The following ZNF354A variants were observed in gnomAD, a reference collection of about 807,000 sequenced individuals.
ZNF354A encodes zinc finger protein 354A, also known as epididymis luminal protein 104.
Under a neutral mutation model 53.3 loss-of-function variants are expected in ZNF354A, and 25 were observed. That is an observed-to-expected ratio of 0.47 (90% CI 0.34 to 0.66). ZNF354A has a LOEUF of 0.66. ZNF354A is among the 30% of genes least tolerant of loss of function. The probability of loss-of-function intolerance (pLI) is 0.01; values close to 1 mark genes in which losing one functional copy is unlikely to be tolerated. For missense variants in ZNF354A, 586 were observed against 716.8 expected, an observed-to-expected ratio of 0.82 and a Z score of 2.08; for synonymous variants, 228 against 249.0, an observed-to-expected ratio of 0.92 and a Z score of 0.79.
chr5:178,719,665 C>A, intron 4 of ZNF354A, among the ~76,000 whole-genome samples: 1 of 152,152 alleles, frequency 6.6e-6, no homozygotes, highest in Non-Finnish European at 1.5e-5. Flanking sequence ...ATGTCACTTG[C>A]GGCCGGGCGC....
At chr5:178,717,885 C>T (rs573211278) in intron 4 of ZNF354A, among the ~76,000 whole-genome samples, 33 of 152,082 alleles carry the variant, frequency 2.2e-4, no homozygotes, top group South Asian at 2.1e-3. Flanking sequence ...TGTGGCAAGA[C>T]GGAGGTTGTT....
chr5:178,725,527 A>G (rs1253246596), intron 3 of ZNF354A, 56 bp from the exon 4 acceptor site: 23 of 1,545,540 alleles, frequency 1.5e-5, no homozygotes, highest in Non-Finnish European at 2.1e-5. Flanking sequence ...TTGTATTGAT[A>G]CAGTTATCCC....
intron 4 of ZNF354A, among the ~76,000 whole-genome samples, chr5:178,717,674 C>G (rs1288800001): frequency 1.3e-5 from 2 of 151,998 alleles, no homozygotes; most frequent in African/African-American, 4.8e-5. Flanking sequence ...GAGCTATAGA[C>G]AGGCATTTGG....
At chr5:178,726,230 G>C in intron 3 of ZNF354A, 1 of 455,724 alleles carries the variant, frequency 2.2e-6, no homozygotes, top group Non-Finnish European at 4.4e-6. Context: ...GTATGGCCCT[G>C]TGCAAAGAAT....
Position 178,727,135 on chromosome 5 carries a change from C to T in ZNF354A, c.34-10G>A. 1.2e-6 allele frequency: 2 copies of T among 1,609,582 alleles called. No individual in the cohort carries two copies. The highest frequency in any genetic ancestry group is 1.7e-6 in the Non-Finnish European group (2 of 1,177,674). On this transcript the variant is annotated splice_polypyrimidine_tract_variant and intron_variant, in intron 2 of 4. Coordinates refer to ENST00000335815, the MANE Select transcript of ZNF354A (RefSeq NM_005649.3). The stretch of plus-strand genomic sequence containing the variant: ...CAAACGTCAGTGACACCTGTAAGGA[C>T]AAGTCGTTCCAGCTCACCCAGGACC...
Position 178,711,918 on chromosome 5 carries a change from G to C in ZNF354A, c.*142C>G, listed in dbSNP as rs1765624925. ...TTCCTCATATCTATTATATAGCTGA[G>C]GTTTATCCATGGAATTAAATACCTA... On this transcript the variant is annotated 3_prime_UTR_variant, in exon 5 of 5. Coordinates refer to ENST00000335815, the MANE Select transcript of ZNF354A (RefSeq NM_005649.3). 2.0e-6 allele frequency: 2 copies of C among 995,044 alleles called. No homozygotes were observed. The highest frequency in any genetic ancestry group is 1.6e-5 in the African/African-American group (1 of 61,300). The allele number at this position is 995,044 out of a possible 1,614,324, so 61.6% of individuals were successfully genotyped here. A position where few individuals can be genotyped will look rare whatever the true frequency, so the allele number is the denominator to read the frequency against.
chr5:178,726,725 A>C (rs186464527), intron 3 of ZNF354A, among the ~76,000 whole-genome samples: 1 of 152,374 alleles, frequency 6.6e-6, no homozygotes, highest in East Asian at 1.9e-4. Flanking sequence ...AATCGTTGGG[A>C]AACGATGCCT....
chr5:178,715,071 T>C (rs747704639), intron 4 of ZNF354A, among the ~76,000 whole-genome samples: 23 of 152,118 alleles, frequency 1.5e-4, no homozygotes, highest in Admixed American at 2.0e-4. Context: ...ATGGTTAACA[T>C]GGAAAAGTAA....
intron 4 of ZNF354A, among the ~76,000 whole-genome samples, chr5:178,724,448 C>G (rs2113881740): frequency 6.6e-6 from 1 of 152,224 alleles, no homozygotes; most frequent in South Asian, 2.1e-4. Context: ...TGGTCTCAAA[C>G]TCCTGACCTC....
In ZNF354A at chr5:178,725,418, G is replaced by C; in HGVS notation, c.214C>G (p.Pro72Ala). The change falls in exon 4 of 5, where the codon CCC (proline) becomes GCC (alanine). Residue 72 changes from proline (P) to alanine (A), a missense_variant. Transcript: ENST00000335815. The part of the protein sequence containing the change: ...VISLLQQGED[P>A]WEVEKDGSGV... ...GAACCGTCTTTCTCCACCTCCCAGG[G>C]ATCTTCTCCTTGCTGCAACAGGGAG... 1 of 1,614,172 alleles carries C rather than the reference G, an allele frequency of 6.2e-7. No individual in the cohort carries two copies. The highest frequency in any genetic ancestry group is 8.5e-7 in the Non-Finnish European group (1 of 1,180,020).
intron 2 of ZNF354A, among the ~76,000 whole-genome samples, 191 bp downstream of exon 2, chr5:178,728,799 A>G (rs1397081416): frequency 2.7e-5 from 4 of 145,974 alleles, no homozygotes; most frequent in East Asian, 2.1e-4. Flanking sequence ...AAAAAAAAAA[A>G]AGAGAACCAC....
At chr5:178,713,804 C>A (rs185442351) in intron 4 of ZNF354A, among the ~76,000 whole-genome samples, 183 bp from the exon 5 acceptor site, 93 of 151,882 alleles carry the variant, frequency 6.1e-4, no homozygotes, top group African/African-American at 2.2e-3. Context: ...TAATTGACAG[C>A]AATTTAAGTA....
intron 4 of ZNF354A, among the ~76,000 whole-genome samples, chr5:178,721,413 A>G (rs529257409): frequency 4.3e-4 from 65 of 152,352 alleles, no homozygotes; most frequent in African/African-American, 1.3e-3. Flanking sequence ...ATGCAGTATT[A>G]TCATCTATGG....
At chr5:178,721,367 C>G (rs549825043) in intron 4 of ZNF354A, among the ~76,000 whole-genome samples, 1 of 152,216 alleles carries the variant, frequency 6.6e-6, no homozygotes, top group Non-Finnish European at 1.5e-5. Context: ...ATTTGTGCAT[C>G]TCAACATATT....
chr5:178,720,291 C>T (rs1440440716), intron 4 of ZNF354A, among the ~76,000 whole-genome samples: 4 of 152,186 alleles, frequency 2.6e-5, no homozygotes, highest in East Asian at 1.9e-4. Context: ...AAAAGAGAGA[C>T]GTAGAAGTCC....
chr5:178,720,265 C>T (rs1413311909), intron 4 of ZNF354A, among the ~76,000 whole-genome samples: 1 of 152,234 alleles, frequency 6.6e-6, no homozygotes, highest in African/African-American at 2.4e-5. Context: ...TTGTTATGGG[C>T]TGAACCGCAT....
chr5:178,718,853 C>G (rs1765760224), intron 4 of ZNF354A, among the ~76,000 whole-genome samples: 1 of 152,176 alleles, frequency 6.6e-6, no homozygotes, highest in Admixed American at 6.5e-5. Flanking sequence ...CCACCTCAGC[C>G]TCCTGAGCAG....
intron 2 of ZNF354A, among the ~76,000 whole-genome samples, chr5:178,728,017 A>C (rs1333753957): frequency 2.6e-5 from 4 of 152,042 alleles, no homozygotes; most frequent in African/African-American, 9.7e-5. Context: ...TGCCCGGCTA[A>C]TTTTTGTATT....
At position 178,713,539 on chromosome 5, in the gene ZNF354A, G is replaced by C. The variant is rs781263091; in HGVS notation, c.339C>G (p.Asn113Lys). 2.5e-6 allele frequency: 4 copies of C among 1,611,328 alleles called. No homozygotes were observed. In the African/African-American group the frequency reaches 4.0e-5, roughly 16 times the overall value. The change falls in exon 5 of 5, where the codon AAC becomes AAG. Residue 113 changes from asparagine to lysine, a missense_variant. Physicochemically the swap from Asn to Lys is moderately conservative, Grantham distance 94. Transcript: ENST00000335815. ...ATTTCAAATCCCAAGGTACATTCCTGTTGGATCTTTTCAGTATCAGTCCCT... is the reference window on the plus strand; with the variant it reads ...ATTTCAAATCCCAAGGTACATTCCTCTTGGATCTTTTCAGTATCAGTCCCT... Reference protein sequence around the residue: ...SFQGLILKRSNRNVPWDLKLE... With the variant: ...SFQGLILKRSKRNVPWDLKLE...
Sources: gnomAD v4.1 joint callset for allele counts (sites outside exome capture counted in the v4.1 genomes callset) on GRCh38, gnomAD v4.1.1 for gene constraint, MANE v1.5 for transcripts, NCBI Gene and HGNC (gene_info 2026-07-23, HGNC 2026-07-21) for gene names.